Variants in CHN2 observed in about 807,000 individuals in gnomAD.
CHN2 encodes the protein beta-chimaerin.
CHN2 carries 35 observed loss-of-function variants against 56.3 expected under a neutral mutation model. That is an observed-to-expected ratio of 0.62 (90% CI 0.47 to 0.82). The LOEUF is 0.82. CHN2 is among the 40% of genes least tolerant of loss of function. The probability of loss-of-function intolerance (pLI) is 0.00; values close to 1 mark genes in which losing one functional copy is unlikely to be tolerated. For missense variants in CHN2, 491 were observed against 580.5 expected (o/e 0.85, Z 1.58); for synonymous variants, 210 against 212.8 (o/e 0.99, Z 0.12).
chr7:29,368,282 C>T (rs948862606), intron 3 of CHN2, among the ~76,000 whole-genome samples: 4 of 151,928 alleles, frequency 2.6e-5, no homozygotes, highest in Non-Finnish European at 4.4e-5. Context: ...TTGTTAATAT[C>T]CTTTTGATTC....
At chr7:29,293,049 C>T in intron 1 of CHN2, 3 of 455,836 alleles carry the variant, frequency 6.6e-6, no homozygotes, top group South Asian at 4.7e-5. Context: ...CTGCCACATG[C>T]CCCACTCCCC....
At chr7:29,176,173 A>G (rs943858682) in intron 2 of CHN2, among the ~76,000 whole-genome samples, 3 of 151,326 alleles carry the variant, frequency 2.0e-5, no homozygotes, top group African/African-American at 4.9e-5. Flanking sequence ...GCGACAGAGC[A>G]AGACTCCGTC....
intron 6 of CHN2, among the ~76,000 whole-genome samples, chr7:29,446,748 A>C (rs1166518265): frequency 6.6e-6 from 1 of 152,230 alleles, no homozygotes; most frequent in East Asian, 1.9e-4. Flanking sequence ...GCATGTAACA[A>C]AACTAGCGAG....
intron 1 of CHN2, among the ~76,000 whole-genome samples, chr7:29,207,085 A>G (rs1000683055): frequency 7.2e-5 from 11 of 152,258 alleles, no homozygotes; most frequent in Non-Finnish European, 1.5e-4. Context: ...GTTTGCTTTT[A>G]AACAGGTAAA....
At chr7:29,204,862 ACT>A (rs1282406272) in intron 1 of CHN2, among the ~76,000 whole-genome samples, 1 of 152,192 alleles carries the variant, frequency 6.6e-6, no homozygotes, top group Non-Finnish European at 1.5e-5. Context: ...AGCTTTGTAA[ACT>A]CTCCTGAAAT....
intron 1 of CHN2, among the ~76,000 whole-genome samples, chr7:29,339,624 G>A (rs910561650): frequency 2.4e-4 from 36 of 152,154 alleles, no homozygotes; most frequent in African/African-American, 7.2e-4. Flanking sequence ...AGGCTGAGGC[G>A]GGTGGATCAC....
At chr7:29,236,937 C>T (rs146590007) in intron 1 of CHN2, among the ~76,000 whole-genome samples, 44 of 152,270 alleles carry the variant, frequency 2.9e-4, no homozygotes, top group African/African-American at 9.6e-4. Context: ...GATAATCATC[C>T]AACTCAAAAT....
At chr7:29,216,685 C>T (rs190536495) in intron 1 of CHN2, among the ~76,000 whole-genome samples, 1 of 152,126 alleles carries the variant, frequency 6.6e-6, no homozygotes, top group South Asian at 2.1e-4. Flanking sequence ...AACCGCTGAT[C>T]TAGCCTGGAA....
chr7:29,195,051 C>T (rs1290907993), intron 1 of CHN2, 61 bp downstream of exon 1: 1 of 1,532,116 alleles, frequency 6.5e-7, no homozygotes, highest in Admixed American at 1.8e-5. Context: ...GCCCTCGCCC[C>T]GCAGCCTGGG....
At chr7:29,255,000 G>C (rs916387737) in intron 1 of CHN2, among the ~76,000 whole-genome samples, 2 of 152,198 alleles carry the variant, frequency 1.3e-5, no homozygotes, top group Admixed American at 1.3e-4. Flanking sequence ...AGGTCATAGA[G>C]TGGTGAGACC....
At chr7:29,418,580 T>C (rs1213329921) in intron 6 of CHN2, among the ~76,000 whole-genome samples, 2 of 152,246 alleles carry the variant, frequency 1.3e-5, no homozygotes, top group African/African-American at 4.8e-5. Context: ...GCATGGCTTA[T>C]CTGATTGCCC....
At chr7:29,281,781 C>T (rs1791737684) in intron 1 of CHN2, among the ~76,000 whole-genome samples, 1 of 152,202 alleles carries the variant, frequency 6.6e-6, no homozygotes, top group Non-Finnish European at 1.5e-5. Context: ...CCATTTTCCC[C>T]TAAGAGATAT....
At chr7:29,174,635 C>T (rs371475854) in intron 2 of CHN2, among the ~76,000 whole-genome samples, 138 of 152,208 alleles carry the variant, frequency 9.1e-4, no homozygotes, top group African/African-American at 3.0e-3. Context: ...CCGACTTGGG[C>T]GGATCACCTG....
At chr7:29,508,708 T>A (rs1420143) in intron 11 of CHN2, among the ~76,000 whole-genome samples, 3 of 151,698 alleles carry the variant, frequency 2.0e-5, no homozygotes, top group Admixed American at 2.0e-4. Flanking sequence ...GCCAGAAGCA[T>A]GTACTCTTCC....
chr7:29,273,343 G>GTGTGTA (rs1157790795), intron 1 of CHN2, among the ~76,000 whole-genome samples: 4 of 58,218 alleles, frequency 6.9e-5, no homozygotes, highest in Non-Finnish European at 1.0e-4. Context: ...ATATATATGT[G>GTGTGTA]TATATATATA....
chr7:29,472,075 G>A (rs1255095195), intron 6 of CHN2, among the ~76,000 whole-genome samples: 1 of 152,120 alleles, frequency 6.6e-6, no homozygotes, highest in Non-Finnish European at 1.5e-5. Context: ...AGGCTGGGTT[G>A]ATAAAAGATA....
chr7:29,426,860 T>C (rs1804904690), intron 6 of CHN2, among the ~76,000 whole-genome samples: 7 of 152,192 alleles, frequency 4.6e-5, no homozygotes, highest in Admixed American at 4.6e-4. Flanking sequence ...TTGCTGGCTG[T>C]CCGCTGGGGA....
intron 6 of CHN2, among the ~76,000 whole-genome samples, chr7:29,417,795 TA>T (rs906501141): frequency 6.6e-6 from 1 of 151,998 alleles, no homozygotes; most frequent in African/African-American, 2.4e-5. Flanking sequence ...AGGCCCTCTT[TA>T]AAAAAAATTA....
intron 1 of CHN2, among the ~76,000 whole-genome samples, chr7:29,316,056 C>T (rs1258492367): frequency 6.6e-6 from 1 of 152,198 alleles, no homozygotes; most frequent in East Asian, 1.9e-4. Context: ...ATTGGGCAAG[C>T]CATGCTCTCC....
Sources: allele counts gnomAD v4.1 joint callset (sites outside exome capture counted in the v4.1 genomes callset), GRCh38; gene constraint gnomAD v4.1.1; transcripts MANE v1.5; gene names NCBI Gene and HGNC (gene_info 2026-07-23, HGNC 2026-07-21).